The following SLC23A1 variants were observed in gnomAD, a reference collection of about 807,000 sequenced individuals.
SLC23A1 encodes the protein solute carrier family 23 member 1.
Under a neutral mutation model 62.5 loss-of-function variants are expected in SLC23A1, and 31 were observed. That is an observed-to-expected ratio of 0.50 (90% confidence interval 0.37 to 0.67). The LOEUF is 0.67. SLC23A1 is among the 30% of genes least tolerant of loss of function. The probability of loss-of-function intolerance (pLI) is 0.00; values close to 1 mark genes in which losing one functional copy is unlikely to be tolerated. For synonymous variants in SLC23A1, 271 were observed against 313.2 expected (o/e 0.87, Z 1.42); for missense variants, 640 against 782.7 (o/e 0.82, Z 2.18).
chr5:139,382,004 G>A lies in SLC23A1; in HGVS notation c.196C>T (p.Leu66=). Residue 66 remains leucine (L), a synonymous_variant, in exon 3 of 15, where the codon CTG becomes TTG. Coordinates refer to ENST00000348729, the MANE Select transcript of SLC23A1 (RefSeq NM_005847.5). ...TGGCCCACACACAGCGCCTCAGCCA[G>A]CAGGAAGGGCACGGCGATGGTACCA... The part of the protein sequence containing the change: ...FSGTIAVPFL[L]AEALCVGHDQ... The A allele has an allele frequency of 6.2e-7, 1 of 1,608,102 alleles. No individual in the cohort carries two copies. The highest frequency in any genetic ancestry group is 2.2e-5 in the East Asian group (1 of 44,646).
At chr5:139,385,453 A>G (rs1357416733), upstream of SLC23A1, among the ~76,000 whole-genome samples, 1 of 152,148 alleles carries the variant, frequency 6.6e-6, no homozygotes, top group Non-Finnish European at 1.5e-5. Flanking sequence ...AGTGTGGAAA[A>G]TGAACAGCCA....
intron 13 of SLC23A1, among the ~76,000 whole-genome samples, chr5:139,372,645 C>A (rs1369996621): frequency 6.6e-6 from 1 of 152,042 alleles, no homozygotes; most frequent in Non-Finnish European, 1.5e-5. Context: ...AGTGCACTGG[C>A]ACGATCTCGG....
At chr5:139,376,892 C>T (rs911229586) in intron 13 of SLC23A1, among the ~76,000 whole-genome samples, 34 of 152,106 alleles carry the variant, frequency 2.2e-4, no homozygotes, top group Non-Finnish European at 2.9e-4. Flanking sequence ...GAGGTTGAGG[C>T]GAGCGTATCA....
At position 139,375,350 on chromosome 5, in the gene SLC23A1, G is replaced by A. The variant is rs78395138; in HGVS notation, c.1549+2052C>T. On this transcript the variant is annotated intron_variant, in intron 13 of 14. Transcript: ENST00000348729. ...GGATGGGACACAGGCCATTGACTGC[G>A]TCAGATGGATGTTGTTAAAAATCCC... Among the ~76,000 whole-genome samples the A allele has an allele frequency of 1.4e-3, 207 of 152,312 alleles. 6 individuals carry two copies. The highest frequency in any genetic ancestry group is 1.7e-3 in the Admixed American group (26 of 15,298).
intron 14 of SLC23A1, among the ~76,000 whole-genome samples, chr5:139,368,108 G>A (rs1757392615): frequency 1.3e-5 from 2 of 152,192 alleles, no homozygotes; most frequent in African/African-American, 4.8e-5. Context: ...GGCCAAGGCG[G>A]GCGGATCACG....
chr5:139,382,578 G>A lies in SLC23A1; in HGVS notation c.64C>T (p.Pro22Ser). Reference sequence around the variant, plus strand: ...TCAAACTTAGGCTCTGTGGGTAGCGGGGTCGAGGGGTCCCTGGTGGTTTCA... The same window carrying A: ...TCAAACTTAGGCTCTGTGGGTAGCGAGGTCGAGGGGTCCCTGGTGGTTTCA... ...QHETTRDPST[P>S]LPTEPKFDML... The change falls in exon 2 of 15, where the codon CCG (proline) becomes TCG (serine). Residue 22 changes from proline to serine, a missense_variant. By Grantham distance (74) the Pro-to-Ser change is moderately conservative. Transcript: ENST00000348729. 1.9e-6 allele frequency: 3 copies of A among 1,613,200 alleles called. No homozygotes were observed. Among genetic ancestry groups the A allele is most frequent in the Non-Finnish European group, 2.5e-6 (3 of 1,179,452 alleles).
Position 139,378,636 on chromosome 5 carries a change from G to A in SLC23A1, c.1122C>T (p.Gly374=). ...GICCIIAGLL[G]TGNGSTSSSP... Reference sequence around the variant, plus strand: ...TGGACGAGGTGGACCCGTTGCCCGTGCCCAATAGCCCCGCGATGATGCAGC... The same window carrying A: ...TGGACGAGGTGGACCCGTTGCCCGTACCCAATAGCCCCGCGATGATGCAGC... Residue 374 remains glycine, a synonymous_variant, in exon 10 of 15, where the codon GGC becomes GGT. Transcript: ENST00000348729. This position sits in a 1 kb window ranked among gnomAD's most constrained non-coding sequence, Gnocchi z 4.5. 3 of 1,612,526 alleles carry A rather than the reference G, an allele frequency of 1.9e-6. No homozygotes were observed. Among genetic ancestry groups the A allele is most frequent in the Non-Finnish European group, 2.5e-6 (3 of 1,179,428 alleles).
intron 14 of SLC23A1, chr5:139,368,707 T>C: frequency 1.3e-6 from 2 of 1,557,354 alleles, no homozygotes; most frequent in Non-Finnish European, 1.8e-6. Context: ...TTAATGAACT[T>C]GCTTTTTTAT....
chr5:139,368,813 C>A (rs765767686), intron 14 of SLC23A1: 21 of 1,583,454 alleles, frequency 1.3e-5, no homozygotes, highest in Non-Finnish European at 1.7e-5. Flanking sequence ...ACGGGGCCCT[C>A]TTTTGGTGGA....
intron 13 of SLC23A1, among the ~76,000 whole-genome samples, chr5:139,376,022 G>A (rs1228127300): frequency 6.6e-6 from 1 of 151,720 alleles, no homozygotes; most frequent in Non-Finnish European, 1.5e-5. Flanking sequence ...TGCACCGGTA[G>A]TCCCAATTAT....
intron 12 of SLC23A1, 97 bp downstream of exon 12, chr5:139,377,878 T>C: frequency 7.9e-6 from 10 of 1,263,196 alleles, no homozygotes; most frequent in Non-Finnish European, 1.1e-5. Flanking sequence ...TTGGGTACGA[T>C]TTGTGGCTGT....
At chr5:139,374,649 A>G (rs1356961938) in intron 13 of SLC23A1, among the ~76,000 whole-genome samples, 3 of 152,108 alleles carry the variant, frequency 2.0e-5, no homozygotes, top group African/African-American at 7.2e-5. Flanking sequence ...AAGACTGCTG[A>G]GCTTATGTGG....
Position 139,378,836 on chromosome 5 carries a change from A to T in SLC23A1, c.1074-152T>A. ...CTACAGGCCAGAATGCTCAGGCTCC[A>T]GAGCTAGTCCTAGTGCCCTGGCACT... On this transcript the variant is annotated intron_variant, in intron 9 of 14. Transcript: ENST00000348729. This position sits in a 1 kb window ranked among gnomAD's most constrained non-coding sequence, Gnocchi z 4.5. 1 of 652,716 alleles carries T rather than the reference A, an allele frequency of 1.5e-6. No homozygotes were observed. Among genetic ancestry groups the T allele is most frequent in the Non-Finnish European group, 2.7e-6 (1 of 369,556 alleles). 40.4% of individuals were successfully genotyped at this position (652,716 alleles called of 1,614,324 possible). A position where few individuals can be genotyped will look rare whatever the true frequency, so the allele number is the denominator to read the frequency against.
chr5:139,384,385 C>A, upstream of SLC23A1: 1 of 1,289,188 alleles, frequency 7.8e-7, no homozygotes, highest in Non-Finnish European at 1.0e-6. Context: ...CATGGCCAGG[C>A]CCTGCCTGAA....
At chr5:139,382,461 A>G (rs1229850237) in intron 2 of SLC23A1, 31 bp downstream of exon 2, 2 of 1,289,290 alleles carry the variant, frequency 1.6e-6, no homozygotes, top group South Asian at 1.2e-5. Flanking sequence ...GAGTGTGCAG[A>G]GTGAGGGCGG....
Position 139,377,448 on chromosome 5 carries a change from C to T in SLC23A1, c.1503G>A (p.Met501Ile). The T allele has an allele frequency of 1.2e-6, 2 of 1,612,504 alleles. No homozygotes were observed. Among genetic ancestry groups the T allele is most frequent in the South Asian group, 1.1e-5 (1 of 91,046 alleles). Residue 501 changes from methionine (M) to isoleucine (I), a missense_variant, in exon 13 of 15, where the codon ATG becomes ATA. Physicochemically the swap from Met to Ile is conservative, Grantham distance 10. Transcript: ENST00000348729. ...TGAAAGCAAGGCACCCGCCCACAAA[C>T]ATCTCCGTGGTCAGCAGCACAATCA... ...QILIVLLTTEMFVGGCLAFIL... is the reference protein window; with the variant it reads ...QILIVLLTTEIFVGGCLAFIL...
chr5:139,383,576 G>A (rs544846643), upstream of SLC23A1, among the ~76,000 whole-genome samples: 4 of 152,272 alleles, frequency 2.6e-5, no homozygotes, highest in Admixed American at 1.3e-4. Flanking sequence ...CCAGGTGAGC[G>A]GAGAAAGAGG....
intron 14 of SLC23A1, among the ~76,000 whole-genome samples, chr5:139,368,357 TAAATA>T (rs1413853935): frequency 6.7e-6 from 1 of 148,210 alleles, no homozygotes; most frequent in Non-Finnish European, 1.5e-5. Flanking sequence ...AAAAACTAAA[TAAATA>T]AATAAAAATA....
chr5:139,383,434 C>T (rs1032940047), upstream of SLC23A1: 11 of 1,313,526 alleles, frequency 8.4e-6, no homozygotes, highest in African/African-American at 4.6e-5. Flanking sequence ...CTCACTAGGA[C>T]AGTAAAAGCC....
Sources: gnomAD v4.1 joint callset for allele counts (sites outside exome capture counted in the v4.1 genomes callset) on GRCh38, gnomAD v4.1.1 for gene constraint, Gnocchi (gnomAD v3.1) non-coding constraint, MANE v1.5 for transcripts, NCBI Gene and HGNC (gene_info 2026-07-23, HGNC 2026-07-21) for gene names.